SPTBN1: variants seen among roughly 807,000 people sequenced by gnomAD.
The protein encoded by SPTBN1 is spectrin beta chain, non-erythrocytic 1.
SPTBN1 carries 32 observed loss-of-function variants against 266.4 expected under a neutral mutation model. The observed-to-expected ratio is 0.12, with a 90% CI of 0.09 to 0.16. The LOEUF (loss-of-function observed/expected upper bound fraction) is 0.16. Among genes scored for constraint, SPTBN1 ranks in the 10% least tolerant of loss-of-function variants. The pLI, the probability that SPTBN1 is intolerant of heterozygous loss-of-function variation, is 1.00. For synonymous variants in SPTBN1, 1,336 were observed against 1,162.2 expected (o/e 1.15, Z -3.04); for missense variants, 2,296 against 3,067.1 (o/e 0.75, Z 5.94).
chr2:54,642,888 G>C, intron 18 of SPTBN1, 95 bp from the exon 19 acceptor site: 1 of 1,434,934 alleles, frequency 7.0e-7, no homozygotes, highest in Non-Finnish European at 9.5e-7. Context: ...AACGTGTGTA[G>C]TATGCATAAT....
chr2:54,599,594 T>C (rs1676340533), intron 3 of SPTBN1, among the ~76,000 whole-genome samples: 1 of 152,202 alleles, frequency 6.6e-6, no homozygotes, highest in Non-Finnish European at 1.5e-5. Flanking sequence ...CATGCGATGA[T>C]GGAATGTTTT....
rs564407173 is a variant in SPTBN1, at chr2:54,486,488, A to C, written c.-48+29970A>C. On this transcript the variant is annotated intron_variant, in intron 1 of 35. Coordinates refer to ENST00000356805, the MANE Select transcript of SPTBN1 (RefSeq NM_003128.3). ...GGGGTCAATGGATTAAGGGCGGTGC[A>C]AGATGTGCTTTGTTAAACAGATGCT... Among the ~76,000 whole-genome samples the C allele has an allele frequency of 3.3e-5, 5 of 152,292 alleles. No homozygotes were observed. The East Asian group carries it at 9.6e-4, about 29-fold the overall frequency.
chr2:54,633,430 T>C (rs1422838063), intron 17 of SPTBN1, among the ~76,000 whole-genome samples: 3 of 140,886 alleles, frequency 2.1e-5, no homozygotes, highest in African/African-American at 5.0e-5. Flanking sequence ...TGTGTGCGTG[T>C]GTGTGTCTGT....
At chr2:54,576,459 C>T (rs900845041) in intron 2 of SPTBN1, among the ~76,000 whole-genome samples, 1 of 145,638 alleles carries the variant, frequency 6.9e-6, no homozygotes, top group African/African-American at 2.4e-5. Flanking sequence ...GGCTCTGTTA[C>T]TTCAATTTTT....
At chr2:54,523,971 G>A (rs1475686699) in intron 1 of SPTBN1, among the ~76,000 whole-genome samples, 1 of 152,094 alleles carries the variant, frequency 6.6e-6, no homozygotes. Flanking sequence ...AGGCCAAGGT[G>A]GGCAGATCAC....
At chr2:54,499,396 C>T (rs750854995) in intron 1 of SPTBN1, among the ~76,000 whole-genome samples, 8 of 152,164 alleles carry the variant, frequency 5.3e-5, no homozygotes, top group Non-Finnish European at 1.2e-4. Flanking sequence ...TCAGCCCCAA[C>T]ATTCATGTAG....
At chr2:54,631,644 G>A (rs779803752) in intron 16 of SPTBN1, 33 bp downstream of exon 16, 16 of 1,587,256 alleles carry the variant, frequency 1.0e-5, no homozygotes, top group Admixed American at 3.4e-5. Context: ...CTTCCTTTCG[G>A]TGAAAGCAGC....
chr2:54,643,636 C>T (rs78840889), intron 19 of SPTBN1, among the ~76,000 whole-genome samples: 3,087 of 152,212 alleles, frequency 0.02, 106 homozygotes, highest in African/African-American at 0.068. Context: ...CCCCCCTTCC[C>T]CCCGACTTCT....
chr2:54,520,732 A>G (rs1242686348), intron 1 of SPTBN1, among the ~76,000 whole-genome samples: 1 of 141,076 alleles, frequency 7.1e-6, no homozygotes, highest in Non-Finnish European at 1.5e-5. Context: ...TTTGAAACCT[A>G]GTCACAAAGA....
chr2:54,475,106 C>T (rs901192350), intron 1 of SPTBN1, among the ~76,000 whole-genome samples: 4 of 151,980 alleles, frequency 2.6e-5, no homozygotes, highest in African/African-American at 4.8e-5. Flanking sequence ...CTCAGGAGGC[C>T]GAGTCAGGAG....
intron 5 of SPTBN1, among the ~76,000 whole-genome samples, chr2:54,617,301 C>T (rs886116551): frequency 3.3e-5 from 5 of 152,200 alleles, no homozygotes; most frequent in African/African-American, 1.2e-4. Flanking sequence ...GCAGAGGCCT[C>T]AGAGGTGTCT....
chr2:54,481,873 A>T (rs559123339), intron 1 of SPTBN1, among the ~76,000 whole-genome samples: 1 of 152,316 alleles, frequency 6.6e-6, no homozygotes, highest in East Asian at 1.9e-4. Context: ...GTATATAAAG[A>T]TTGATACTAG....
chr2:54,551,067 C>T (rs1190050931), intron 2 of SPTBN1, among the ~76,000 whole-genome samples: 1 of 152,178 alleles, frequency 6.6e-6, no homozygotes, highest in African/African-American at 2.4e-5. Context: ...GAGGGCAGGA[C>T]CCAGAGGCCT....
intron 2 of SPTBN1, among the ~76,000 whole-genome samples, chr2:54,557,268 C>T (rs972873659): frequency 6.6e-6 from 1 of 152,092 alleles, no homozygotes; most frequent in African/African-American, 2.4e-5. Context: ...GGGACCACGT[C>T]TTTACTACAT....
At chr2:54,467,282 C>T (rs1384131346) in intron 1 of SPTBN1, among the ~76,000 whole-genome samples, 1 of 151,916 alleles carries the variant, frequency 6.6e-6, no homozygotes, top group Non-Finnish European at 1.5e-5. Flanking sequence ...ATCTTATTTA[C>T]TTGAATGGGA....
chr2:54,666,965 C>G (rs1055490638), intron 34 of SPTBN1, among the ~76,000 whole-genome samples: 2 of 152,156 alleles, frequency 1.3e-5, no homozygotes, highest in African/African-American at 4.8e-5. Context: ...GGCTGCTTTC[C>G]CCTTTGTACT....
intron 1 of SPTBN1, among the ~76,000 whole-genome samples, chr2:54,490,694 C>T (rs959380585): frequency 1.3e-5 from 2 of 152,124 alleles, no homozygotes; most frequent in African/African-American, 4.8e-5. Context: ...CAATAGGCAT[C>T]TTATTCAGGT....
At chr2:54,611,351 G>C (rs1677198468) in intron 3 of SPTBN1, among the ~76,000 whole-genome samples, 2 of 152,040 alleles carry the variant, frequency 1.3e-5, no homozygotes, top group Non-Finnish European at 2.9e-5. Context: ...GGTCAACTGT[G>C]TATATTTACT....
At position 54,653,511 on chromosome 2, in the gene SPTBN1, G is replaced by T. The variant is rs1680444403; in HGVS notation, c.5578-98G>T. On this transcript the variant is annotated intron_variant, in intron 26 of 35. Transcript: ENST00000356805. This position sits in a 1 kb window ranked among gnomAD's most constrained non-coding sequence, Gnocchi z 5.1. Reference sequence around the variant, plus strand: ...GGCATGGGCCATATTTTGACTCTGTGCTCCCTTTAGTGTATGAGCAGAACA... The same window carrying T: ...GGCATGGGCCATATTTTGACTCTGTTCTCCCTTTAGTGTATGAGCAGAACA... 2 of 1,522,750 alleles carry T rather than the reference G, an allele frequency of 1.3e-6. No individual in the cohort carries two copies. The highest frequency in any genetic ancestry group is 4.6e-5 in the East Asian group (2 of 43,702). 94.3% of individuals were successfully genotyped at this position (1,522,750 alleles called of 1,614,324 possible). A position where few individuals can be genotyped will look rare whatever the true frequency, so the allele number is the denominator to read the frequency against.
Sources: gnomAD v4.1 joint callset for allele counts (sites outside exome capture counted in the v4.1 genomes callset) on GRCh38, gnomAD v4.1.1 for gene constraint, Gnocchi (gnomAD v3.1) non-coding constraint, MANE v1.5 for transcripts, NCBI Gene and HGNC (gene_info 2026-07-23, HGNC 2026-07-21) for gene names.